The following TXNRD2 variants were observed in gnomAD, a reference collection of about 807,000 sequenced individuals.
The protein encoded by TXNRD2 is thioredoxin reductase 2.
A neutral mutation model predicts 70.8 loss-of-function variants in TXNRD2; 67 were observed. The ratio of observed to expected loss-of-function variants is 0.95; its 90% CI spans 0.78 to 1.16. The LOEUF (loss-of-function observed/expected upper bound fraction) is 1.16, where lower values mean the gene tolerates loss of function less well. TXNRD2 is among the 50% of genes most tolerant of loss of function. TXNRD2 has a pLI of 0.00. For synonymous variants in TXNRD2, 301 were observed against 295.8 expected (o/e 1.02, Z -0.18); for missense variants, 644 against 719.9 (o/e 0.89, Z 1.21).
At chr22:19,925,073 A>T (rs951140727) in intron 2 of TXNRD2, among the ~76,000 whole-genome samples, 1 of 150,748 alleles carries the variant, frequency 6.6e-6, no homozygotes, top group African/African-American at 2.5e-5. Flanking sequence ...TCACAAGGTC[A>T]GGAGATCGAG....
intron 11 of TXNRD2, among the ~76,000 whole-genome samples, chr22:19,885,188 T>C (rs887006526): frequency 6.6e-6 from 1 of 152,200 alleles, no homozygotes; most frequent in African/African-American, 2.4e-5. Flanking sequence ...GGCCAGCGGA[T>C]GGCCACAGCA....
chr22:19,936,838 C>A (rs983104085), intron 1 of TXNRD2, among the ~76,000 whole-genome samples: 2 of 152,142 alleles, frequency 1.3e-5, no homozygotes, highest in African/African-American at 4.8e-5. Context: ...ATCTCATGTG[C>A]CTGCTCTTGA....
intron 1 of TXNRD2, 93 bp downstream of exon 1, chr22:19,941,608 G>T: frequency 7.4e-7 from 1 of 1,350,670 alleles, no homozygotes; most frequent in South Asian, 1.9e-5. Flanking sequence ...GCACCCCCAC[G>T]GGGACACCCT....
intron 11 of TXNRD2, chr22:19,887,875 C>T (rs1326357310): frequency 6.6e-6 from 1 of 152,496 alleles, no homozygotes; most frequent in Non-Finnish European, 1.5e-5. Flanking sequence ...AGGAACGTCC[C>T]TTCAGAGATG....
rs777077758 is a variant in TXNRD2, at chr22:19,895,414, C to T, written c.942G>A (p.Trp314Ter). 3 of 1,613,922 alleles carry T rather than the reference C, an allele frequency of 1.9e-6. No homozygotes were observed. Among genetic ancestry groups the T allele is most frequent in the South Asian group, 2.2e-5 (2 of 91,080 alleles). ...EDTGTFDTVLWAIGRVPDTRS... is the reference protein window; with the variant it reads ...EDTGTFDTVL The stretch of plus-strand genomic sequence containing the variant: ...GGCTCGACGTGCCCTTACCTATGGC[C>T]CACAGGACGGTGTCAAAGGTGCCCG... The change falls in exon 11 of 18, where the codon TGG becomes TGA. Residue 314 changes from tryptophan (W) to a stop codon, truncating the protein, a stop_gained. Transcript: ENST00000400521. LOFTEE classifies it high-confidence loss of function.
At chr22:19,894,919 C>T (rs964300503) in intron 11 of TXNRD2, 255 of 1,193,542 alleles carry the variant, frequency 2.1e-4, no homozygotes, top group Non-Finnish European at 2.6e-4. Flanking sequence ...ACCCGGGAGG[C>T]GGAGGTTGCC....
chr22:19,926,382 T>C (rs5748475), intron 2 of TXNRD2, among the ~76,000 whole-genome samples: 83,339 of 151,092 alleles, frequency 0.55, 23,102 homozygotes, highest in East Asian at 0.7. Flanking sequence ...CCCAGCTACT[T>C]GGGAGGCTGA....
At chr22:19,933,516 C>A in intron 1 of TXNRD2, 1 of 1,288,982 alleles carries the variant, frequency 7.8e-7, no homozygotes, top group Non-Finnish European at 1.0e-6. Flanking sequence ...CGCACTGTGC[C>A]CCCTCTGTCT....
chr22:19,930,995 T>C, intron 2 of TXNRD2, 35 bp downstream of exon 2: 1 of 1,607,278 alleles, frequency 6.2e-7, no homozygotes, highest in East Asian at 2.2e-5. Context: ...CCTAAAAGCT[T>C]CGAGGCCTTG....
chr22:19,910,472 T>C (rs972217588), intron 8 of TXNRD2, among the ~76,000 whole-genome samples: 2 of 152,162 alleles, frequency 1.3e-5, no homozygotes, highest in African/African-American at 4.8e-5. Context: ...CCAGGGCTCC[T>C]GGGAACCCCA....
intron 8 of TXNRD2, among the ~76,000 whole-genome samples, chr22:19,905,512 G>A (rs1287101840): frequency 6.6e-6 from 1 of 152,118 alleles, no homozygotes; most frequent in Admixed American, 6.5e-5. Flanking sequence ...AGAGCACCGG[G>A]CCCCCTCCCC....
At chr22:19,909,776 ACACACACCACACACACACCACT>A (rs1569093522) in intron 8 of TXNRD2, among the ~76,000 whole-genome samples, 1 of 125,080 alleles carries the variant, frequency 8.0e-6, no homozygotes, top group Admixed American at 8.0e-5. Flanking sequence ...CACACACACC[ACACACACCACACACACACCACT>A]CACACACACC....
chr22:19,929,326 CAA>C (rs34528546), intron 2 of TXNRD2, among the ~76,000 whole-genome samples: 12 of 84,398 alleles, frequency 1.4e-4, no homozygotes, highest in Admixed American at 2.6e-4. Flanking sequence ...GACTCCATCT[CAA>C]AAAAAAAAAA....
intron 2 of TXNRD2, among the ~76,000 whole-genome samples, chr22:19,928,294 AC>A (rs1168575986): frequency 6.6e-6 from 1 of 152,354 alleles, no homozygotes; most frequent in East Asian, 1.9e-4. Flanking sequence ...AATACTGTCC[AC>A]AATGGCCAAA....
intron 2 of TXNRD2, among the ~76,000 whole-genome samples, chr22:19,930,658 G>A (rs1272860521): frequency 6.6e-6 from 1 of 152,228 alleles, no homozygotes; most frequent in Non-Finnish European, 1.5e-5. Flanking sequence ...AGAGCAGGCA[G>A]GCAGGGTGAC....
intron 2 of TXNRD2, among the ~76,000 whole-genome samples, chr22:19,920,646 C>G (rs991014415): frequency 6.6e-6 from 1 of 152,066 alleles, no homozygotes; most frequent in African/African-American, 2.4e-5. Context: ...CTTCCATTTG[C>G]CCGGGCTTGG....
intron 2 of TXNRD2, among the ~76,000 whole-genome samples, chr22:19,920,180 G>A (rs925006537): frequency 2.6e-5 from 4 of 152,196 alleles, no homozygotes; most frequent in African/African-American, 7.2e-5. Flanking sequence ...AGCAGGAGCC[G>A]AGACCTGACT....
At chr22:19,909,927 A>C (rs1940320992) in intron 8 of TXNRD2, among the ~76,000 whole-genome samples, 2 of 104,936 alleles carry the variant, frequency 1.9e-5, no homozygotes, top group Admixed American at 2.0e-4. Context: ...CTTCACACAC[A>C]CACACCACTC....
Position 19,898,059 on chromosome 22 carries a change from G to A in TXNRD2, c.754C>T (p.Pro252Ser). The change falls in exon 10 of 18, where the codon CCC becomes TCC. Residue 252 changes from proline (P) to serine (S), a missense_variant. This residue lies in a region of TXNRD2 where 566 missense variants were observed against 645.0 expected (regional missense o/e 0.88). Transcript: ENST00000400521. Reference sequence around the variant, plus strand: ...ACTACCTGGTCGAAGCCGCGGAGGGGGATGCTGCGCATCATGATGGTGGTG... The same window carrying A: ...ACTACCTGGTCGAAGCCGCGGAGGGAGATGCTGCGCATCATGATGGTGGTG... ...LDTTIMMRSIPLRGFDQQMSS... is the reference protein window; with the variant it reads ...LDTTIMMRSISLRGFDQQMSS... 2 of 1,560,538 alleles carry A rather than the reference G, an allele frequency of 1.3e-6. No homozygotes were observed. Among genetic ancestry groups the A allele is most frequent in the Non-Finnish European group, 1.7e-6 (2 of 1,152,812 alleles).
Sources: gnomAD v4.1 joint callset for allele counts (sites outside exome capture counted in the v4.1 genomes callset) on GRCh38, gnomAD v4.1.1 for gene constraint, gnomAD v4.1.1 regional missense constraint, MANE v1.5 for transcripts, NCBI Gene and HGNC (gene_info 2026-07-23, HGNC 2026-07-21) for gene names.